PTPRN2: variants seen among roughly 807,000 people sequenced by gnomAD.
The protein encoded by PTPRN2 is receptor-type tyrosine-protein phosphatase N2.
Under a neutral mutation model 118.8 loss-of-function variants are expected in PTPRN2, and 74 were observed. That is an observed-to-expected ratio of 0.62 (90% CI 0.52 to 0.76). The LOEUF (loss-of-function observed/expected upper bound fraction) is 0.76, where lower values mean the gene tolerates loss of function less well. PTPRN2 is among the 30% of genes least tolerant of loss of function. The pLI, the probability that PTPRN2 is intolerant of heterozygous loss-of-function variation, is 0.00. For synonymous variants in PTPRN2, 641 were observed against 608.0 expected (o/e 1.05, Z -0.80); for missense variants, 1,481 against 1,394.4 (o/e 1.06, Z -0.99).
At chr7:158,521,183 A>AT (rs921020229) in intron 1 of PTPRN2, among the ~76,000 whole-genome samples, 2 of 152,026 alleles carry the variant, frequency 1.3e-5, no homozygotes, top group Non-Finnish European at 2.9e-5. Context: ...GTTATTTTAT[A>AT]TTTTTTTCCC....
At chr7:157,872,214 C>CCCACACACCCATACCCA (rs1811114260) in intron 12 of PTPRN2, among the ~76,000 whole-genome samples, 2 of 147,178 alleles carry the variant, frequency 1.4e-5, no homozygotes, top group African/African-American at 5.1e-5. Flanking sequence ...CAGTGTCCTC[C>CCCACACACCCATACCCA]GCATACACAC....
At chr7:158,534,840 C>A (rs982831613) in intron 1 of PTPRN2, among the ~76,000 whole-genome samples, 5 of 152,102 alleles carry the variant, frequency 3.3e-5, no homozygotes, top group African/African-American at 4.8e-5. Context: ...AGAGACGACG[C>A]CTGCACGTTG....
intron 2 of PTPRN2, among the ~76,000 whole-genome samples, chr7:158,353,087 T>C (rs1480974840): frequency 6.6e-6 from 1 of 152,232 alleles, no homozygotes; most frequent in Non-Finnish European, 1.5e-5. Context: ...CAGCAGCATG[T>C]ATTTCACTCA....
intron 12 of PTPRN2, among the ~76,000 whole-genome samples, chr7:157,799,484 A>T (rs1482563964): frequency 6.6e-6 from 1 of 152,058 alleles, no homozygotes; most frequent in Non-Finnish European, 1.5e-5. Flanking sequence ...GAGCAGACCC[A>T]GCCCAGGGCT....
At chr7:157,844,970 CTGGA>C (rs1294663977) in intron 12 of PTPRN2, among the ~76,000 whole-genome samples, 1 of 152,130 alleles carries the variant, frequency 6.6e-6, no homozygotes, top group Admixed American at 6.5e-5. Context: ...CCCTGGAGCC[CTGGA>C]CACTGGTTTT....
At chr7:157,920,088 A>G (rs2128768873) in intron 11 of PTPRN2, among the ~76,000 whole-genome samples, 1 of 152,334 alleles carries the variant, frequency 6.6e-6, no homozygotes, top group Non-Finnish European at 1.5e-5. Flanking sequence ...TGATGCTCGC[A>G]CAACGACGAA....
At chr7:158,163,768 C>T (rs370261600) in intron 6 of PTPRN2, among the ~76,000 whole-genome samples, 21 of 147,944 alleles carry the variant, frequency 1.4e-4, no homozygotes, top group South Asian at 1.1e-3. Flanking sequence ...GACGCCTGTA[C>T]GGGGTTCTCA....
In PTPRN2 at chr7:157,769,744, G is replaced by A. The variant is rs182236623; in HGVS notation, c.1789-86807C>T. Reference sequence around the variant, plus strand: ...CTTCCGCAGCTCCCTGTGGCTCAGCGCGTTCCTGCCTCCCACTCCACCACA... The same window carrying A: ...CTTCCGCAGCTCCCTGTGGCTCAGCACGTTCCTGCCTCCCACTCCACCACA... On this transcript the variant is annotated intron_variant, in intron 12 of 22. Coordinates refer to ENST00000389418, the MANE Select transcript of PTPRN2 (RefSeq NM_002847.5). Among the ~76,000 whole-genome samples the A allele has an allele frequency of 9.2e-5, 14 of 152,228 alleles. No individual in the cohort carries two copies. In the East Asian group the frequency reaches 1.4e-3, roughly 15 times the overall value.
chr7:158,478,471 C>T (rs1053318496), intron 2 of PTPRN2, among the ~76,000 whole-genome samples: 1 of 152,162 alleles, frequency 6.6e-6, no homozygotes, highest in Admixed American at 6.5e-5. Flanking sequence ...AGGCAGAGGC[C>T]CGCTCTGCGT....
intron 11 of PTPRN2, among the ~76,000 whole-genome samples, chr7:158,071,108 G>C (rs111162916): frequency 7.9e-5 from 7 of 88,434 alleles, no homozygotes; most frequent in Non-Finnish European, 1.6e-4. Flanking sequence ...GGTGCTCGTG[G>C]TGGTGGAGGT....
chr7:158,586,753 C>CGCGGGGGGGT (rs1170587967), intron 1 of PTPRN2, among the ~76,000 whole-genome samples: 2 of 152,196 alleles, frequency 1.3e-5, no homozygotes, highest in Non-Finnish European at 2.9e-5. Flanking sequence ...CGGCGCTGCC[C>CGCGGGGGGGT]GCGGGGGGGT....
At chr7:157,924,495 G>T (rs1244955481) in intron 11 of PTPRN2, among the ~76,000 whole-genome samples, 1 of 152,198 alleles carries the variant, frequency 6.6e-6, no homozygotes, top group Admixed American at 6.5e-5. Flanking sequence ...CATCCACAGG[G>T]CCCTGCTCAC....
chr7:158,155,602 C>A (rs796603570), intron 6 of PTPRN2, among the ~76,000 whole-genome samples: 3 of 24,618 alleles, frequency 1.2e-4, no homozygotes, highest in African/African-American at 2.5e-4. Flanking sequence ...CCATCATCAT[C>A]ACCATCACCA....
At chr7:158,046,859 G>A (rs1417413192) in intron 11 of PTPRN2, among the ~76,000 whole-genome samples, 3 of 152,118 alleles carry the variant, frequency 2.0e-5, no homozygotes, top group Non-Finnish European at 4.4e-5. Context: ...CTTCCTTCCT[G>A]GTGTGTGTAC....
chr7:158,205,073 C>T, intron 4 of PTPRN2, 98 bp downstream of exon 4: 2 of 1,048,376 alleles, frequency 1.9e-6, no homozygotes, highest in Non-Finnish European at 2.9e-6. Flanking sequence ...ATGGTGGGTG[C>T]TTTGCTACAT....
chr7:157,622,051 C>T lies in PTPRN2; in HGVS notation c.2197-542G>A, dbSNP rs545271084. 5.3e-5 allele frequency among the ~76,000 whole-genome samples: 8 copies of T among 152,040 alleles called. No homozygotes were observed. The East Asian group carries it at 7.8e-4, about 15-fold the overall frequency. ...CGATCTTAATTTTTCTGGTGCTTGT[C>T]GTTGAGCATTACTATGAGTAGACAA... On this transcript the variant is annotated intron_variant, in intron 14 of 22. Coordinates refer to ENST00000389418, the MANE Select transcript of PTPRN2 (RefSeq NM_002847.5). This position sits in a 1 kb window ranked among gnomAD's most constrained non-coding sequence, Gnocchi z 5.3.
chr7:158,007,954 G>A (rs974598931), intron 11 of PTPRN2, among the ~76,000 whole-genome samples: 12 of 150,612 alleles, frequency 8.0e-5, no homozygotes, highest in Admixed American at 7.9e-4. Flanking sequence ...GTGTGGGGGT[G>A]TGGGTGTGTA....
intron 12 of PTPRN2, among the ~76,000 whole-genome samples, chr7:157,788,868 C>T (rs1023509848): frequency 6.6e-6 from 1 of 152,232 alleles, no homozygotes; most frequent in African/African-American, 2.4e-5. Flanking sequence ...CACATCTCTG[C>T]TATGCTGGAG....
intron 12 of PTPRN2, among the ~76,000 whole-genome samples, chr7:157,827,787 C>T (rs1807285583): frequency 6.6e-6 from 1 of 152,242 alleles, no homozygotes; most frequent in Non-Finnish European, 1.5e-5. Flanking sequence ...GAGCTGCCGG[C>T]CCCGCCCTCG....
Sources: gnomAD v4.1 joint callset for allele counts (sites outside exome capture counted in the v4.1 genomes callset) on GRCh38, gnomAD v4.1.1 for gene constraint, Gnocchi (gnomAD v3.1) non-coding constraint, MANE v1.5 for transcripts, NCBI Gene and HGNC (gene_info 2026-07-23, HGNC 2026-07-21) for gene names.